The following PHKA1 variants were observed in gnomAD, a reference collection of about 807,000 sequenced individuals.
PHKA1 encodes phosphorylase b kinase regulatory subunit alpha, skeletal muscle isoform.
A neutral mutation model predicts 110.2 loss-of-function variants in PHKA1; 60 were observed. That is an observed-to-expected ratio of 0.54 (90% CI 0.44 to 0.68). PHKA1 has a LOEUF of 0.68. PHKA1 is among the 30% of genes least tolerant of loss of function. The probability of loss-of-function intolerance (pLI) is 0.00; values close to 1 mark genes in which losing one functional copy is unlikely to be tolerated. For synonymous variants in PHKA1, 316 were observed against 333.6 expected (o/e 0.95, Z 0.58); for missense variants, 801 against 942.5 (o/e 0.85, Z 1.97).
In PHKA1 at chrX:72,579,805, C is replaced by T. The variant is rs1233058963; in HGVS notation, c.*1197G>A. Reference sequence around the variant, plus strand: ...GTCTTTATAAGAAACAGACATATGCCCACAGATACCATGATATACAGGGAT... The same window carrying T: ...GTCTTTATAAGAAACAGACATATGCTCACAGATACCATGATATACAGGGAT... On this transcript the variant is annotated 3_prime_UTR_variant, in exon 32 of 32. Coordinates refer to ENST00000373542, the MANE Select transcript of PHKA1 (RefSeq NM_002637.4). The T allele has an allele frequency of 1.8e-5, 2 of 110,591 alleles. No individual in the cohort carries two copies. Among genetic ancestry groups the T allele is most frequent in the Admixed American group, 1.9e-4 (2 of 10,354 alleles). 9.1% of individuals were successfully genotyped at this position (110,591 alleles called of 1,213,427 possible). A position where few individuals can be genotyped will look rare whatever the true frequency, so the allele number is the denominator to read the frequency against.
intron 2 of PHKA1, 43 bp from the exon 3 acceptor site, chrX:72,705,288 G>A (rs1452740438): frequency 1.9e-6 from 2 of 1,031,184 alleles, no homozygotes; most frequent in East Asian, 3.2e-5. Flanking sequence ...AACATCCCTA[G>A]ATACAGGAAC....
chrX:72,688,468 T>G (rs2053994989), intron 4 of PHKA1, among the ~76,000 whole-genome samples: 1 of 112,346 alleles, frequency 8.9e-6, no homozygotes, highest in East Asian at 2.8e-4. Context: ...CTGGTATTAT[T>G]CATCTGTTAG....
intron 3 of PHKA1, among the ~76,000 whole-genome samples, chrX:72,703,556 C>T (rs1260132768): frequency 9.0e-6 from 1 of 110,944 alleles, no homozygotes; most frequent in Admixed American, 9.6e-5. Flanking sequence ...TGGTGCACAC[C>T]TGTAGTCCCA....
intron 18 of PHKA1, among the ~76,000 whole-genome samples, chrX:72,621,571 T>C (rs1340575195): frequency 8.9e-6 from 1 of 111,889 alleles, no homozygotes; most frequent in Non-Finnish European, 1.9e-5. Flanking sequence ...AGGTTTATAG[T>C]TAGAAAAACA....
intron 29 of PHKA1, among the ~76,000 whole-genome samples, chrX:72,590,588 G>T (rs2052504774): frequency 8.9e-6 from 1 of 112,295 alleles, no homozygotes; most frequent in South Asian, 3.7e-4. Flanking sequence ...AAGAGCTTAT[G>T]CATAGCAGAG....
intron 5 of PHKA1, among the ~76,000 whole-genome samples, chrX:72,680,816 G>A (rs1421339339): frequency 3.6e-5 from 3 of 83,443 alleles, no homozygotes; most frequent in Non-Finnish European, 6.8e-5. Flanking sequence ...CTTTGCCGCC[G>A]CGCCGGCGAG....
In PHKA1 at chrX:72,684,499, G is replaced by A. The variant is rs199608903; in HGVS notation, c.536C>T (p.Ala179Val). 4.2e-4 allele frequency: 465 copies of A among 1,117,503 alleles called. 1 individual carries two copies. Among genetic ancestry groups the A allele is most frequent in the Admixed American group, 5.3e-4 (24 of 45,648 alleles). 92.1% of individuals were successfully genotyped at this position (1,117,503 alleles called of 1,213,427 possible). A position where few individuals can be genotyped will look rare whatever the true frequency, so the allele number is the denominator to read the frequency against. The change falls in exon 5 of 32, where the codon GCT becomes GTT. Residue 179 changes from alanine (A) to valine (V), a missense_variant and splice_region_variant. Physicochemically the swap from Ala to Val is moderately conservative, Grantham distance 64. Transcript: ENST00000373542. ...ATCCATTCTAAAATCAGTACTTACA[G>A]CAGTTTTATATGCAGCTTCAATGTA... ...VFYIEAAYKT[A>V]DFGIWERGDK...
intron 20 of PHKA1, 40 bp downstream of exon 20, chrX:72,619,174 T>C (rs1382962875): frequency 1.1e-6 from 1 of 879,041 alleles, no homozygotes. Flanking sequence ...GATGGCAGTT[T>C]TTCAAAAAGC....
At chrX:72,660,028 A>G (rs2053541612) in intron 8 of PHKA1, among the ~76,000 whole-genome samples, 1 of 112,336 alleles carries the variant, frequency 8.9e-6, no homozygotes, top group Non-Finnish European at 1.9e-5. Context: ...GGCTTGCAGT[A>G]TCTAGTCAAA....
At chrX:72,699,344 A>C (rs1448534985) in intron 3 of PHKA1, among the ~76,000 whole-genome samples, 1 of 107,625 alleles carries the variant, frequency 9.3e-6, no homozygotes, top group African/African-American at 3.4e-5. Flanking sequence ...CTCTACTAAA[A>C]ATACAAAAAA....
At chrX:72,582,342 G>T in intron 31 of PHKA1, 56 bp downstream of exon 31, 1 of 871,687 alleles carries the variant, frequency 1.1e-6, no homozygotes, top group Non-Finnish European at 1.7e-6. Flanking sequence ...ACCTCTGAAT[G>T]TCATCAGGTT....
At chrX:72,639,979 G>A (rs2053277331) in intron 14 of PHKA1, among the ~76,000 whole-genome samples, 1 of 111,920 alleles carries the variant, frequency 8.9e-6, no homozygotes, top group African/African-American at 3.2e-5. Flanking sequence ...GTGCTGGAAC[G>A]ATTGGTTACT....
At chrX:72,692,214 TATATAAACTTGTTA>T (rs1432710202) in intron 4 of PHKA1, among the ~76,000 whole-genome samples, 1 of 112,154 alleles carries the variant, frequency 8.9e-6, no homozygotes, top group African/African-American at 3.2e-5. Context: ...TTGGTCAAGG[TATATAAACTTGTTA>T]ATATATTGCT....
intron 17 of PHKA1, among the ~76,000 whole-genome samples, chrX:72,623,866 A>G (rs1279092641): frequency 8.9e-6 from 1 of 111,985 alleles, no homozygotes; most frequent in Admixed American, 9.5e-5. Flanking sequence ...GAAATGGATC[A>G]TGGCATATTG....
chrX:72,612,875 A>G (rs1409099860), intron 21 of PHKA1, among the ~76,000 whole-genome samples: 1 of 111,660 alleles, frequency 9.0e-6, no homozygotes, highest in Non-Finnish European at 1.9e-5. Flanking sequence ...AAAGTAATAG[A>G]GCTCCCAGCT....
intron 14 of PHKA1, 101 bp downstream of exon 14, chrX:72,644,261 A>G: frequency 2.2e-6 from 2 of 917,958 alleles, no homozygotes; most frequent in Admixed American, 5.1e-5. Context: ...TCTCAGATCC[A>G]GCTTAATAAA....
At chrX:72,663,928 G>GGAGAAA (rs782274975) in intron 8 of PHKA1, among the ~76,000 whole-genome samples, 33 of 108,341 alleles carry the variant, frequency 3.0e-4, no homozygotes, top group East Asian at 8.7e-4. Flanking sequence ...CATACAGAAA[G>GGAGAAA]GAGAAAGAGA....
intron 16 of PHKA1, among the ~76,000 whole-genome samples, chrX:72,628,403 TTATC>T (rs1270551794): frequency 9.2e-6 from 1 of 109,097 alleles, no homozygotes; most frequent in Non-Finnish European, 1.9e-5. Flanking sequence ...GACAAATACT[TTATC>T]TAGTTTATTA....
intron 4 of PHKA1, among the ~76,000 whole-genome samples, chrX:72,687,594 C>T (rs1439936799): frequency 1.3e-4 from 14 of 110,919 alleles, no homozygotes; most frequent in African/African-American, 4.3e-4. Context: ...GCTATCTCCT[C>T]TGTGATGCTG....
Sources: gnomAD v4.1 joint callset for allele counts (sites outside exome capture counted in the v4.1 genomes callset) on GRCh38, gnomAD v4.1.1 for gene constraint, MANE v1.5 for transcripts, NCBI Gene and HGNC (gene_info 2026-07-23, HGNC 2026-07-21) for gene names.